Variants in EDARADD observed in about 807,000 individuals in gnomAD.
EDARADD encodes EDAR associated via death domain.
Under a neutral mutation model 25.6 loss-of-function variants are expected in EDARADD, and 20 were observed. The observed-to-expected ratio is 0.78, with a 90% CI of 0.55 to 1.14. The LOEUF is 1.14. Among genes scored for constraint, EDARADD ranks in the 50% most tolerant of loss-of-function variants. The pLI is 0.00. For synonymous variants in EDARADD, 86 were observed against 94.4 expected (o/e 0.91, Z 0.52); for missense variants, 225 against 270.1 (o/e 0.83, Z 1.17).
intron 4 of EDARADD, among the ~76,000 whole-genome samples, chr1:236,455,158 C>A (rs756211116): frequency 5.9e-5 from 9 of 151,804 alleles, no homozygotes; most frequent in Non-Finnish European, 1.0e-4. Flanking sequence ...TGCAGTGAGC[C>A]GAGATTGTGC....
intron 1 of EDARADD, among the ~76,000 whole-genome samples, chr1:236,399,355 T>C (rs1160704989): frequency 6.6e-6 from 1 of 152,058 alleles, no homozygotes; most frequent in Non-Finnish European, 1.5e-5. Flanking sequence ...CTAATTTTTG[T>C]ATTTCTTTTT....
chr1:236,450,408 T>C (rs974065181), intron 4 of EDARADD, among the ~76,000 whole-genome samples: 4 of 152,176 alleles, frequency 2.6e-5, no homozygotes, highest in African/African-American at 9.7e-5. Flanking sequence ...GACAATGGAA[T>C]GTCTTGCTTT....
In EDARADD at chr1:236,484,424, G is replaced by A; in HGVS notation, c.*1775G>A. On this transcript the variant is annotated 3_prime_UTR_variant, in exon 6 of 6. Coordinates refer to ENST00000334232, the MANE Select transcript of EDARADD (RefSeq NM_145861.4). The surrounding 1 kb of genome is among the most constrained non-coding windows in gnomAD (Gnocchi z 4.1). ...GAATTGAAGAGGAGCTGGGCAGCAA[G>A]GCTAAGTTTGCCGGCAGGAACTTCA... The A allele has an allele frequency of 1.2e-6, 2 of 1,610,518 alleles. No individual in the cohort carries two copies. Among genetic ancestry groups the A allele is most frequent in the Non-Finnish European group, 8.5e-7 (1 of 1,178,122 alleles).
intron 3 of EDARADD, among the ~76,000 whole-genome samples, chr1:236,363,339 C>T (rs781761536): frequency 2.6e-4 from 40 of 151,718 alleles, no homozygotes; most frequent in Middle Eastern, 3.2e-3. Context: ...GTGATTAGAT[C>T]ATAGGGGCGG....
chr1:236,443,810 C>T (rs1296300413), intron 4 of EDARADD, among the ~76,000 whole-genome samples: 4 of 152,096 alleles, frequency 2.6e-5, no homozygotes, highest in East Asian at 1.9e-4. Flanking sequence ...AAATAATGCA[C>T]GAAGCAGGGG....
intron 1 of EDARADD, among the ~76,000 whole-genome samples, chr1:236,396,651 G>T (rs1025264768): frequency 3.9e-5 from 6 of 152,094 alleles, no homozygotes; most frequent in Non-Finnish European, 5.9e-5. Flanking sequence ...CATTGTGATG[G>T]CTGGGTTTGG....
At chr1:236,370,364 T>A (rs1667160755) in intron 3 of EDARADD, among the ~76,000 whole-genome samples, 1 of 152,022 alleles carries the variant, frequency 6.6e-6, no homozygotes, top group Non-Finnish European at 1.5e-5. Flanking sequence ...GAGGTTGCGG[T>A]GAGCCAAGAT....
At chr1:236,416,712 A>G (rs1456045152) in intron 3 of EDARADD, among the ~76,000 whole-genome samples, 1 of 152,194 alleles carries the variant, frequency 6.6e-6, no homozygotes, top group Non-Finnish European at 1.5e-5. Flanking sequence ...ACATCATTTT[A>G]TATGTAAATG....
Position 236,483,605 on chromosome 1 carries a change from CCCGGTGTT to C in EDARADD, c.*958_*965del. On this transcript the variant is annotated 3_prime_UTR_variant, in exon 6 of 6. Transcript: ENST00000334232. ...GCAACTCCAAAGTCATCTTGCCAGT[CCCGGTGTT>C]CAATGTCATCAATGGCAGTTCTCAT... The C allele has an allele frequency of 6.6e-7, 1 of 1,512,916 alleles. No homozygotes were observed. The highest frequency in any genetic ancestry group is 9.2e-7 in the Non-Finnish European group (1 of 1,089,942). The allele number at this position is 1,512,916 out of a possible 1,614,324, so 93.7% of individuals were successfully genotyped here. A position where few individuals can be genotyped will look rare whatever the true frequency, so the allele number is the denominator to read the frequency against.
At chr1:236,373,808 C>T (rs1667197105) in intron 3 of EDARADD, among the ~76,000 whole-genome samples, 1 of 152,136 alleles carries the variant, frequency 6.6e-6, no homozygotes, top group Admixed American at 6.5e-5. Flanking sequence ...TATAAATTTC[C>T]TTCTAAGTAC....
rs1470409975 is a variant in EDARADD, at chr1:236,447,110, T to C, written c.219+19660T>C. Among the ~76,000 whole-genome samples the C allele has an allele frequency of 2.0e-5, 3 of 152,088 alleles. No individual in the cohort carries two copies. In the East Asian group the frequency reaches 5.8e-4, roughly 29 times the overall value. On this transcript the variant is annotated intron_variant, in intron 4 of 5. Transcript: ENST00000334232. ...GCAGTGCCTCTTCTTTTCTTTTCTT[T>C]CTTCCTTCCTTCCTCTCTCTCTCTC...
At chr1:236,412,439 G>C in intron 2 of EDARADD, among the ~76,000 whole-genome samples, 1 of 152,202 alleles carries the variant, frequency 6.6e-6, no homozygotes. Context: ...CAGGTAGCAA[G>C]TTTCCCGAGA....
intron 4 of EDARADD, among the ~76,000 whole-genome samples, chr1:236,445,207 A>G (rs1658499444): frequency 7.8e-6 from 1 of 128,378 alleles, no homozygotes; most frequent in South Asian, 2.7e-4. Context: ...TTCTTGTGTT[A>G]TTGCATTAGC....
chr1:236,454,022 C>T (rs185861633), intron 4 of EDARADD, among the ~76,000 whole-genome samples: 2 of 151,460 alleles, frequency 1.3e-5, no homozygotes, highest in East Asian at 3.9e-4. Flanking sequence ...TCCAAGGATG[C>T]AGAGTTTGTA....
chr1:236,357,764 C>T (rs1666997423), intron 3 of EDARADD, among the ~76,000 whole-genome samples: 1 of 151,958 alleles, frequency 6.6e-6, no homozygotes, highest in Non-Finnish European at 1.5e-5. Context: ...ACCTAAATAC[C>T]TTCCACCAGG....
chr1:236,460,965 G>A (rs1382175414), intron 4 of EDARADD, among the ~76,000 whole-genome samples: 1 of 151,814 alleles, frequency 6.6e-6, no homozygotes, highest in Non-Finnish European at 1.5e-5. Flanking sequence ...GCGATTACAG[G>A]CACCTGCCAC....
chr1:236,395,499 G>T lies in EDARADD; in HGVS notation c.61+994G>T. ...GGGGAAGGCGGAGGAGGGCAGGGGC[G>T]CGCAGAGCCACGGTTTGCTCCAGGC... On this transcript the variant is annotated intron_variant, in intron 1 of 5. Coordinates refer to ENST00000334232, the MANE Select transcript of EDARADD (RefSeq NM_145861.4). The surrounding 1 kb of genome is among the most constrained non-coding windows in gnomAD (Gnocchi z 6.9). The T allele has an allele frequency of 6.6e-7, 1 of 1,524,218 alleles. No homozygotes were observed. Among genetic ancestry groups the T allele is most frequent in the Non-Finnish European group, 8.8e-7 (1 of 1,139,638 alleles). 94.4% of individuals were successfully genotyped at this position (1,524,218 alleles called of 1,614,324 possible).
At position 236,417,451 on chromosome 1, in the gene EDARADD, T is replaced by C. The variant is rs114128735; in HGVS notation, c.160+3152T>C. Among the ~76,000 whole-genome samples the C allele has an allele frequency of 9.3e-3, 1,423 of 152,310 alleles. 30 individuals carry two copies. The highest frequency in any genetic ancestry group is 0.033 in the African/African-American group (1,361 of 41,566). ...TTAATAATCAGCTGTGGAAATCTAG[T>C]GTAATTTCATTTGTCAGCATCTGTT... On this transcript the variant is annotated intron_variant, in intron 3 of 5. Coordinates refer to ENST00000334232, the MANE Select transcript of EDARADD (RefSeq NM_145861.4).
At chr1:236,448,036 T>C (rs896970407) in intron 4 of EDARADD, among the ~76,000 whole-genome samples, 5 of 152,168 alleles carry the variant, frequency 3.3e-5, no homozygotes, top group Admixed American at 6.5e-5. Context: ...GGTTTCTCCA[T>C]ATTGGTCAGG....
Sources: allele counts gnomAD v4.1 joint callset (sites outside exome capture counted in the v4.1 genomes callset), GRCh38; gene constraint gnomAD v4.1.1; non-coding constraint Gnocchi (gnomAD v3.1); transcripts MANE v1.5; gene names NCBI Gene and HGNC (gene_info 2026-07-23, HGNC 2026-07-21).